The following STIM2 variants were observed in gnomAD, a reference collection of about 807,000 sequenced individuals.
The protein encoded by STIM2 is stromal interaction molecule 2.
STIM2 carries 31 observed loss-of-function variants against 85.8 expected under a neutral mutation model. That is an observed-to-expected ratio of 0.36 (90% CI 0.27 to 0.49). STIM2 has a LOEUF of 0.49. STIM2 is among the 20% of genes least tolerant of loss of function. STIM2 has a pLI of 0.98. For synonymous variants in STIM2, 356 were observed against 331.1 expected (o/e 1.08, Z -0.82); for missense variants, 841 against 927.6 (o/e 0.91, Z 1.21).
intron 2 of STIM2, among the ~76,000 whole-genome samples, chr4:26,934,783 C>G (rs1378742606): frequency 1.3e-5 from 2 of 152,034 alleles, no homozygotes; most frequent in African/African-American, 4.8e-5. Context: ...CATATTGGCA[C>G]ATGCCTGCAA....
chr4:26,990,798 A>G (rs1320967593), intron 3 of STIM2, among the ~76,000 whole-genome samples: 1 of 152,070 alleles, frequency 6.6e-6, no homozygotes. Flanking sequence ...AGGCATAAAG[A>G]CATACCAGTG....
intron 10 of STIM2, among the ~76,000 whole-genome samples, chr4:27,009,829 C>G (rs1465033718): frequency 1.3e-5 from 2 of 152,148 alleles, no homozygotes; most frequent in African/African-American, 4.8e-5. Flanking sequence ...TTAAGCTTGC[C>G]AAATGCAACA....
chr4:26,883,228 G>A (rs563642852), intron 1 of STIM2, among the ~76,000 whole-genome samples: 1 of 151,994 alleles, frequency 6.6e-6, no homozygotes, highest in Admixed American at 6.6e-5. Flanking sequence ...GGGTTGGGAG[G>A]GAAACAGTGT....
In STIM2 at chr4:27,008,940, C is replaced by A; in HGVS notation, c.1427C>A (p.Pro476Gln). The change falls in exon 10 of 12, where the codon CCA (proline) becomes CAA (glutamine). Residue 476 changes from proline (P) to glutamine (Q), a missense_variant. By Grantham distance (76) the Pro-to-Gln change is moderately conservative. Coordinates refer to ENST00000467087, the MANE Select transcript of STIM2 (RefSeq NM_020860.4). ...CCCAGAGTCTCCATTCCACCCTATC[C>A]AATTGCTGGAGGAGTTGATGACTTA... 6.2e-7 allele frequency: 1 copy of A among 1,614,122 alleles called. No homozygotes were observed.
chr4:27,022,695 C>G lies in STIM2; in HGVS notation c.1940C>G (p.Ser647Cys). The change falls in exon 12 of 12, where the codon TCT (serine) becomes TGT (cysteine). Residue 647 changes from serine to cysteine, a missense_variant. Physicochemically the swap from Ser to Cys is moderately radical, Grantham distance 112 (BLOSUM62 -1). Coordinates refer to ENST00000467087, the MANE Select transcript of STIM2 (RefSeq NM_020860.4). ...GATTCGCCTGTAACTGTGGATGTGT[C>G]TTGGGGTTCTCCCGACTGTGTAGGT... 1 of 1,614,214 alleles carries G rather than the reference C, an allele frequency of 6.2e-7. No individual in the cohort carries two copies. Among genetic ancestry groups the G allele is most frequent in the Non-Finnish European group, 8.5e-7 (1 of 1,180,046 alleles).
rs1181992060 is a variant in STIM2 at position 27,007,634 on chromosome 4, A to G, written c.1083A>G (p.Val361=). 1 of 1,608,668 alleles carries G rather than the reference A, an allele frequency of 6.2e-7. No individual in the cohort carries two copies. Among genetic ancestry groups the G allele is most frequent in the Non-Finnish European group, 8.5e-7 (1 of 1,178,062 alleles). The change falls in exon 8 of 12, where the codon GTA becomes GTG. Residue 361 remains valine, a synonymous_variant. Coordinates refer to ENST00000467087, the MANE Select transcript of STIM2 (RefSeq NM_020860.4). Reference sequence around the variant, plus strand: ...AATGGCTTCAGTTAACACATGAAGTAGAAGTGCAATACTACAATATTAAAA... The same window carrying G: ...AATGGCTTCAGTTAACACATGAAGTGGAAGTGCAATACTACAATATTAAAA...
At chr4:27,003,491 T>G (rs1728229489) in intron 7 of STIM2, among the ~76,000 whole-genome samples, 1 of 152,224 alleles carries the variant, frequency 6.6e-6, no homozygotes, top group African/African-American at 2.4e-5. Flanking sequence ...ATTTGAATCC[T>G]GTTAAATAGT....
rs1560546233 is a variant in STIM2, at chr4:26,861,355, C to T, written c.137C>T (p.Pro46Leu). ...CCCGCCGCGGCGGCCGGCGATAGCC[C>T]GGCGCTCATGACAGGTGAGGGGCCG... Residue 46 changes from proline to leucine, a missense_variant, in exon 1 of 12, where the codon CCG becomes CTG. Around this residue, in one of 3 missense-constraint regions of STIM2, gnomAD observed 140 missense variants for 117.7 expected, o/e 1.19. Transcript: ENST00000467087. 1.5e-6 allele frequency: 2 copies of T among 1,358,634 alleles called. No individual in the cohort carries two copies. The highest frequency in any genetic ancestry group is 1.9e-6 in the Non-Finnish European group (2 of 1,060,680). The allele number at this position is 1,358,634 out of a possible 1,614,324, so 84.2% of individuals were successfully genotyped here.
intron 11 of STIM2, chr4:27,021,067 A>T (rs1031505136): frequency 1.3e-6 from 2 of 1,536,338 alleles, no homozygotes; most frequent in Middle Eastern, 3.3e-4. Flanking sequence ...CAAAAAAAAA[A>T]AGTGAGTAAG....
chr4:26,955,072 T>A (rs1726195905), intron 2 of STIM2, among the ~76,000 whole-genome samples: 1 of 146,792 alleles, frequency 6.8e-6, no homozygotes, highest in Admixed American at 6.7e-5. Flanking sequence ...TTAGAAATTT[T>A]ATTTCTAAGA....
In STIM2 at chr4:26,860,924, C is replaced by CTTTTTTT; in HGVS notation, c.-283_-277dup. On this transcript the variant is annotated 5_prime_UTR_variant, in exon 1 of 12. Coordinates refer to ENST00000467087, the MANE Select transcript of STIM2 (RefSeq NM_020860.4). ...GACGCCGTACCTTTCTACCCCCCACCTTTTTTTTTTTTTTTTTTAAATAAC... is the reference window on the plus strand; with the variant it reads ...GACGCCGTACCTTTCTACCCCCCACCTTTTTTTTTTTTTTTTTTTTTTTTTAAATAAC... 2 of 1,010,472 alleles carry CTTTTTTT rather than the reference C, an allele frequency of 2.0e-6. No homozygotes were observed. The highest frequency in any genetic ancestry group is 1.1e-4 in the East Asian group (1 of 9,208). The allele number at this position is 1,010,472 out of a possible 1,614,324, so 62.6% of individuals were successfully genotyped here. A position where few individuals can be genotyped will look rare whatever the true frequency, so the allele number is the denominator to read the frequency against.
chr4:26,885,645 C>G (rs1723189519), intron 1 of STIM2, among the ~76,000 whole-genome samples: 1 of 151,474 alleles, frequency 6.6e-6, no homozygotes. Context: ...GTTTTCATTT[C>G]TGACTATTTT....
At chr4:26,935,114 A>G (rs1443588473) in intron 2 of STIM2, among the ~76,000 whole-genome samples, 1 of 152,062 alleles carries the variant, frequency 6.6e-6, no homozygotes, top group African/African-American at 2.4e-5. Flanking sequence ...TTAAAATTTA[A>G]TTTATATCTG....
chr4:26,880,546 A>G (rs1722965072), intron 1 of STIM2, among the ~76,000 whole-genome samples: 1 of 150,494 alleles, frequency 6.6e-6, no homozygotes, highest in South Asian at 2.1e-4. Context: ...ATAGGTAACT[A>G]CATAAAACTT....
chr4:26,888,217 A>G (rs756936703), intron 1 of STIM2, among the ~76,000 whole-genome samples: 1 of 152,222 alleles, frequency 6.6e-6, no homozygotes, highest in Non-Finnish European at 1.5e-5. Context: ...CTTGGCGCCC[A>G]TACACATCTT....
At chr4:26,977,921 G>T (rs1466483729) in intron 3 of STIM2, among the ~76,000 whole-genome samples, 8 of 152,092 alleles carry the variant, frequency 5.3e-5, no homozygotes, top group Non-Finnish European at 1.2e-4. Context: ...AGAATGTGGG[G>T]ACCTAGACGC....
In STIM2 at chr4:26,866,072, C is replaced by G. The variant is rs1018941901; in HGVS notation, c.151+4703C>G. Among the ~76,000 whole-genome samples, 3 of 151,748 alleles carry G rather than the reference C, an allele frequency of 2.0e-5. No homozygotes were observed. In the East Asian group the frequency reaches 5.8e-4, roughly 29 times the overall value. On this transcript the variant is annotated intron_variant, in intron 1 of 11. Transcript: ENST00000467087. ...TTAGATTCATATGCAGGTTCATTGC[C>G]TGGGTTTATTGCATGATATTGAGAT... is the stretch of plus-strand genomic sequence containing the variant.
At chr4:26,909,684 G>A (rs576133298) in intron 1 of STIM2, among the ~76,000 whole-genome samples, 5 of 152,246 alleles carry the variant, frequency 3.3e-5, no homozygotes, top group African/African-American at 1.2e-4. Context: ...TAAAATATAC[G>A]TAACATAAAA....
chr4:26,865,249 C>G (rs1560547735), intron 1 of STIM2, among the ~76,000 whole-genome samples: 1 of 152,106 alleles, frequency 6.6e-6, no homozygotes, highest in Non-Finnish European at 1.5e-5. Context: ...TCCATTTGAT[C>G]TAGTCGATTC....
Sources: allele counts gnomAD v4.1 joint callset (sites outside exome capture counted in the v4.1 genomes callset), GRCh38; gene constraint gnomAD v4.1.1; regional missense constraint gnomAD v4.1.1; transcripts MANE v1.5; gene names NCBI Gene and HGNC (gene_info 2026-07-23, HGNC 2026-07-21).